TMEM207: variants seen among roughly 807,000 people sequenced by gnomAD.
TMEM207 encodes the protein SRSR846.
Under a neutral mutation model 17.4 loss-of-function variants are expected in TMEM207, and 15 were observed. The ratio of observed to expected loss-of-function variants is 0.86; its 90% CI spans 0.58 to 1.33. The LOEUF is 1.33. TMEM207 is among the 40% of genes most tolerant of loss of function. The pLI, the probability that TMEM207 is intolerant of heterozygous loss-of-function variation, is 0.00. For missense variants in TMEM207, 205 were observed against 173.8 expected, an observed-to-expected ratio of 1.18 and a Z score of -1.01; for synonymous variants, 70 against 65.6, an observed-to-expected ratio of 1.07 and a Z score of -0.33.
chr3:190,443,832 A>G (rs1282744689), intron 2 of TMEM207, among the ~76,000 whole-genome samples: 4 of 152,226 alleles, frequency 2.6e-5, no homozygotes, highest in Admixed American at 2.6e-4. Context: ...TCAAATTGGT[A>G]TGATTATGGT....
chr3:190,447,642 A>G, intron 2 of TMEM207, 148 bp downstream of exon 2: 1 of 625,638 alleles, frequency 1.6e-6, no homozygotes, highest in Non-Finnish European at 2.6e-6. Context: ...AAATGGAGCC[A>G]TCTGCATTTA....
chr3:190,444,398 G>A (rs1720001423), intron 2 of TMEM207: 6 of 984,718 alleles, frequency 6.1e-6, no homozygotes, highest in Non-Finnish European at 7.2e-6. Flanking sequence ...GTCGTGGTGC[G>A]ACTGGGACAG....
At chr3:190,435,763 C>T (rs1056087791) in intron 4 of TMEM207, among the ~76,000 whole-genome samples, 9 of 152,136 alleles carry the variant, frequency 5.9e-5, no homozygotes, top group African/African-American at 1.9e-4. Flanking sequence ...GAACATTAGC[C>T]CGGGAAACAC....
intron 2 of TMEM207, among the ~76,000 whole-genome samples, chr3:190,443,214 A>G (rs1357531061): frequency 7.4e-5 from 11 of 148,358 alleles, no homozygotes. Context: ...GCTCATGGTC[A>G]GGAGTATGGA....
At position 190,449,742 on chromosome 3, in the gene TMEM207, A is replaced by T. The variant is rs1424980011; in HGVS notation, c.68T>A (p.Leu23Gln). 5 of 1,613,852 alleles carry T rather than the reference A, an allele frequency of 3.1e-6. No homozygotes were observed. Among genetic ancestry groups the T allele is most frequent in the Admixed American group, 1.7e-5 (1 of 60,010 alleles). The change falls in exon 1 of 5, where the codon CTA (leucine) becomes CAA (glutamine). Residue 23 changes from leucine (L) to glutamine (Q), a missense_variant. Physicochemically the swap from Leu to Gln is moderately radical, Grantham distance 113. Transcript: ENST00000354905. ...ISTIGILCLP[L>Q]FQLVLSDLPC... ...AGAAAGAGAGATAGTTACCTGGAAT[A>T]GCGGCAAACACAAGATCCCTATCGT... is the stretch of plus-strand genomic sequence containing the variant.
intron 2 of TMEM207, among the ~76,000 whole-genome samples, chr3:190,443,087 AT>A (rs1052152290): frequency 4.0e-5 from 6 of 151,758 alleles, no homozygotes. Context: ...AAAAATATAC[AT>A]TTTTTAAGAG....
intron 4 of TMEM207, among the ~76,000 whole-genome samples, chr3:190,435,360 T>A (rs1219990718): frequency 6.6e-6 from 1 of 152,160 alleles, no homozygotes; most frequent in African/African-American, 2.4e-5. Context: ...AGAATGCTGG[T>A]CATATTGAAT....
At chr3:190,448,200 T>C (rs565690619) in intron 1 of TMEM207, among the ~76,000 whole-genome samples, 2 of 152,158 alleles carry the variant, frequency 1.3e-5, no homozygotes, top group African/African-American at 2.4e-5. Context: ...TATTAGTGAG[T>C]ATTATTTTCA....
At position 190,429,653 on chromosome 3, in the gene TMEM207, G is replaced by A; in HGVS notation, c.383C>T (p.Pro128Leu). The change falls in exon 5 of 5, where the codon CCA becomes CTA. Residue 128 changes from proline (P) to leucine (L), a missense_variant. Transcript: ENST00000354905. ...QTPDLYPVPAPCFGPLGSPPP... is the reference protein window; with the variant it reads ...QTPDLYPVPALCFGPLGSPPP... ...TGGGGAGCCTAAAGGGCCAAAACATGGAGCAGGAACAGGATATAGGTCAGG... is the reference window on the plus strand; with the variant it reads ...TGGGGAGCCTAAAGGGCCAAAACATAGAGCAGGAACAGGATATAGGTCAGG... 6.2e-7 allele frequency: 1 copy of A among 1,613,564 alleles called. No individual in the cohort carries two copies. Among genetic ancestry groups the A allele is most frequent in the Non-Finnish European group, 8.5e-7 (1 of 1,179,672 alleles).
intron 2 of TMEM207, among the ~76,000 whole-genome samples, chr3:190,447,095 G>T (rs1166791853): frequency 1.1e-5 from 1 of 90,020 alleles, no homozygotes; most frequent in Non-Finnish European, 2.4e-5. Flanking sequence ...CTGCTATACA[G>T]AGAGCATGGC....
At chr3:190,441,509 C>T (rs940828891) in intron 2 of TMEM207, 27 bp from the exon 3 acceptor site, 3 of 1,596,524 alleles carry the variant, frequency 1.9e-6, no homozygotes, top group Non-Finnish European at 2.6e-6. Context: ...AGCGTTAGTC[C>T]TGGAACTCAG....
At chr3:190,439,005 G>C (rs375272905) in intron 4 of TMEM207, among the ~76,000 whole-genome samples, 1 of 148,318 alleles carries the variant, frequency 6.7e-6, no homozygotes, top group African/African-American at 2.5e-5. Flanking sequence ...GTGAAACCCC[G>C]TCTCTACTAA....
At chr3:190,446,614 T>C (rs1330609752) in intron 2 of TMEM207, among the ~76,000 whole-genome samples, 6 of 152,212 alleles carry the variant, frequency 3.9e-5, no homozygotes, top group African/African-American at 1.2e-4. Context: ...TAAGTACCAG[T>C]TGAAGCCCTA....
At chr3:190,444,129 T>G (rs1363809041) in intron 2 of TMEM207, among the ~76,000 whole-genome samples, 1 of 152,174 alleles carries the variant, frequency 6.6e-6, no homozygotes, top group East Asian at 1.9e-4. Flanking sequence ...CTTCATTGGT[T>G]TCTCTGTTAC....
At chr3:190,434,788 G>A (rs1171097967) in intron 4 of TMEM207, among the ~76,000 whole-genome samples, 1 of 152,198 alleles carries the variant, frequency 6.6e-6, no homozygotes, top group Non-Finnish European at 1.5e-5. Context: ...TCTCTGGGTT[G>A]TAGCAGAGAT....
At chr3:190,436,045 C>G (rs542399651) in intron 4 of TMEM207, among the ~76,000 whole-genome samples, 20 of 152,300 alleles carry the variant, frequency 1.3e-4, no homozygotes, top group African/African-American at 4.8e-4. Flanking sequence ...GTTTCTCAGT[C>G]AAAAGTTTCC....
intron 4 of TMEM207, among the ~76,000 whole-genome samples, chr3:190,436,079 C>A (rs1193883474): frequency 6.6e-6 from 1 of 152,196 alleles, no homozygotes; most frequent in Non-Finnish European, 1.5e-5. Flanking sequence ...CAGTTGAGGG[C>A]AGCTTCCAGG....
intron 2 of TMEM207, among the ~76,000 whole-genome samples, 176 bp downstream of exon 2, chr3:190,447,614 T>C (rs1251181107): frequency 6.6e-6 from 1 of 152,160 alleles, no homozygotes; most frequent in Non-Finnish European, 1.5e-5. Context: ...AAATTATCTT[T>C]CCTGTTTTCA....
intron 2 of TMEM207, among the ~76,000 whole-genome samples, chr3:190,447,051 C>G (rs78113860): frequency 0.059 from 8,930 of 152,140 alleles, 295 homozygotes; most frequent in Non-Finnish European, 0.067. Flanking sequence ...GGTGAATGGT[C>G]CCAATTTCTG....
Sources: allele counts gnomAD v4.1 joint callset (sites outside exome capture counted in the v4.1 genomes callset), GRCh38; gene constraint gnomAD v4.1.1; transcripts MANE v1.5; gene names NCBI Gene and HGNC (gene_info 2026-07-23, HGNC 2026-07-21).